Variants in PTK2 observed in about 807,000 individuals in gnomAD.
PTK2 encodes the protein focal adhesion kinase 1.
Under a neutral mutation model 150.1 loss-of-function variants are expected in PTK2, and 45 were observed. The ratio of observed to expected loss-of-function variants is 0.30; its 90% CI spans 0.24 to 0.38. PTK2 has a LOEUF of 0.38. Ranked by LOEUF, PTK2 falls within the 10% of genes least tolerant of loss-of-function variation. The pLI is 1.00. For missense variants in PTK2, 919 were observed against 1,307.3 expected (o/e 0.70, Z 4.58); for synonymous variants, 432 against 449.2 (o/e 0.96, Z 0.48).
intron 6 of PTK2, 22 bp downstream of exon 6, chr8:140,846,577 C>T (rs879330393): frequency 3.6e-5 from 55 of 1,540,308 alleles, no homozygotes; most frequent in Non-Finnish European, 4.7e-5. Flanking sequence ...ATAAAGGCCG[C>T]AATGTATAGT....
rs11786859 is a variant in PTK2 at position 140,974,782 on chromosome 8, C to G, written c.-122+26343G>C. ...CCCAGGGAAAAACAGCTCACATACA[C>G]ACACAATTCTGCTTAGAATTTCAGG... is the stretch of plus-strand genomic sequence containing the variant. On this transcript the variant is annotated intron_variant, in intron 1 of 31. Transcript: ENST00000522684. Among the ~76,000 whole-genome samples, 643 of 152,034 alleles carry G rather than the reference C, an allele frequency of 4.2e-3. 9 individuals are homozygous for G. The highest frequency in any genetic ancestry group is 0.015 in the African/African-American group (602 of 41,478).
intron 20 of PTK2, among the ~76,000 whole-genome samples, chr8:140,741,850 T>C (rs1451113237): frequency 6.6e-6 from 1 of 152,046 alleles, no homozygotes; most frequent in Non-Finnish European, 1.5e-5. Context: ...TTAAAAAAAC[T>C]AATGGAGGCT....
At chr8:140,663,876 T>C (rs577053296) in intron 31 of PTK2, among the ~76,000 whole-genome samples, 18 of 152,126 alleles carry the variant, frequency 1.2e-4, no homozygotes, top group Non-Finnish European at 2.4e-4. Flanking sequence ...AGGCTGGTCA[T>C]AAACTGGCTT....
At chr8:140,961,329 G>A (rs527319595) in intron 1 of PTK2, among the ~76,000 whole-genome samples, 1 of 152,218 alleles carries the variant, frequency 6.6e-6, no homozygotes, top group East Asian at 1.9e-4. Flanking sequence ...CAAATCTCCA[G>A]ATAAACTTCA....
chr8:140,865,118 T>C (rs1243489748), intron 4 of PTK2, among the ~76,000 whole-genome samples: 2 of 152,256 alleles, frequency 1.3e-5, no homozygotes, highest in Non-Finnish European at 2.9e-5. Context: ...ATTGGCATAC[T>C]GTGATAGTGC....
intron 29 of PTK2, among the ~76,000 whole-genome samples, chr8:140,673,674 G>A (rs1481630613): frequency 3.3e-5 from 5 of 152,134 alleles, no homozygotes; most frequent in East Asian, 3.9e-4. Context: ...TCCAGCACTC[G>A]GTGAGGGCTG....
At chr8:140,864,598 C>T (rs2100138194) in intron 4 of PTK2, among the ~76,000 whole-genome samples, 199 bp from the exon 5 acceptor site, 1 of 152,284 alleles carries the variant, frequency 6.6e-6, no homozygotes, top group East Asian at 1.9e-4. Context: ...AAATGTGCTA[C>T]AGCTCAGTGA....
At chr8:140,879,676 GAAAAAA>G in intron 3 of PTK2, 39 bp from the exon 4 acceptor site, 27 of 34,546 alleles carry the variant, frequency 7.8e-4, no homozygotes, top group African/African-American at 2.8e-3. Context: ...GTTATAAACT[GAAAAAA>G]AAAAAAAAAA....
At chr8:140,875,841 C>G (rs1312162446) in intron 4 of PTK2, among the ~76,000 whole-genome samples, 1 of 152,162 alleles carries the variant, frequency 6.6e-6, no homozygotes, top group Admixed American at 6.5e-5. Flanking sequence ...AAACAGGTTA[C>G]TGGAGCACCC....
intron 1 of PTK2, chr8:140,940,461 C>G (rs2100175289): frequency 6.6e-6 from 1 of 151,902 alleles, no homozygotes; most frequent in Non-Finnish European, 1.5e-5. Context: ...AAAAAAAAGA[C>G]TAAAGAGTCA....
rs148887573 is a variant in PTK2 at position 140,872,413 on chromosome 8, G to C, written c.362+7058C>G. On this transcript the variant is annotated intron_variant, in intron 4 of 31. Coordinates refer to ENST00000522684, the Ensembl canonical transcript of PTK2. Reference sequence around the variant, plus strand: ...GCCTACATTATACAATCAATATGTTGACCATAAGTGAATAAATACAAAATT... The same window carrying C: ...GCCTACATTATACAATCAATATGTTCACCATAAGTGAATAAATACAAAATT... Among the ~76,000 whole-genome samples, 63 of 152,214 alleles carry C rather than the reference G, an allele frequency of 4.1e-4. No individual in the cohort carries two copies. The East Asian group carries it at 0.012, about 28-fold the overall frequency.
chr8:140,660,272 T>C (rs2152462953), intron 31 of PTK2, among the ~76,000 whole-genome samples: 1 of 152,312 alleles, frequency 6.6e-6, no homozygotes, highest in African/African-American at 2.4e-5. Context: ...CACTTTCACA[T>C]TAGAGTGGAC....
intron 14 of PTK2, chr8:140,770,741 G>C: frequency 1.5e-6 from 2 of 1,354,454 alleles, no homozygotes; most frequent in Non-Finnish European, 9.8e-7. Flanking sequence ...CATGGGAACA[G>C]AAGACCAAAG....
intron 5 of PTK2, among the ~76,000 whole-genome samples, chr8:140,853,268 GC>G (rs573644329): frequency 8.4e-4 from 127 of 151,070 alleles, no homozygotes; most frequent in African/African-American, 2.9e-3. Context: ...GTATACATCT[GC>G]CATGTTGGTG....
intron 2 of PTK2, among the ~76,000 whole-genome samples, chr8:140,896,793 G>GGGT (rs956345905): frequency 8.0e-6 from 1 of 124,742 alleles, no homozygotes; most frequent in Non-Finnish European, 2.0e-5. Flanking sequence ...AAAAACGGGG[G>GGGT]GGGGGGGTGG....
At position 140,739,013 on chromosome 8, in the gene PTK2, C is replaced by A; in HGVS notation, c.1825+5G>T. The stretch of plus-strand genomic sequence containing the variant: ...AAAGAATACAAAACTTTTAAGAGTA[C>A]TCACCAAACATCCATACGTCACTAG... On this transcript the variant is annotated splice_donor_5th_base_variant and intron_variant, in intron 21 of 31. Coordinates refer to ENST00000522684, the Ensembl canonical transcript of PTK2. The A allele has an allele frequency of 1.3e-6, 2 of 1,514,460 alleles. No individual in the cohort carries two copies. The highest frequency in any genetic ancestry group is 2.1e-5 in the Admixed American group (1 of 48,218). 93.8% of individuals were successfully genotyped at this position (1,514,460 alleles called of 1,614,324 possible).
At chr8:140,753,716 A>G (rs1430635962) in intron 16 of PTK2, among the ~76,000 whole-genome samples, 2 of 152,090 alleles carry the variant, frequency 1.3e-5, no homozygotes, top group Non-Finnish European at 2.9e-5. Context: ...TTTATATATT[A>G]TAATTATACA....
At chr8:140,961,791 G>A (rs1481752775) in intron 1 of PTK2, among the ~76,000 whole-genome samples, 1 of 152,166 alleles carries the variant, frequency 6.6e-6, no homozygotes, top group African/African-American at 2.4e-5. Flanking sequence ...TTTAAGCCTG[G>A]TAAGGAAATT....
chr8:140,764,486 T>C, intron 14 of PTK2, 196 bp from the exon 17 acceptor site: 1 of 569,866 alleles, frequency 1.8e-6, no homozygotes, highest in South Asian at 2.5e-5. Flanking sequence ...CAATACGTTA[T>C]AATACACAGA....
Sources: gnomAD v4.1 joint callset for allele counts (sites outside exome capture counted in the v4.1 genomes callset) on GRCh38, gnomAD v4.1.1 for gene constraint, MANE v1.5 for transcripts, NCBI Gene and HGNC (gene_info 2026-07-23, HGNC 2026-07-21) for gene names.